RASSF4: variants seen among roughly 807,000 people sequenced by gnomAD.
The protein encoded by RASSF4 is Ras association domain family member 4, also known as ras association domain-containing protein 4.
Under a neutral mutation model 41.1 loss-of-function variants are expected in RASSF4, and 38 were observed. The ratio of observed to expected loss-of-function variants is 0.92; its 90% CI spans 0.71 to 1.21. The LOEUF is 1.21. RASSF4 is among the 50% of genes most tolerant of loss of function. The probability of loss-of-function intolerance (pLI) is 0.00; values close to 1 mark genes in which losing one functional copy is unlikely to be tolerated. For missense variants in RASSF4, 414 were observed against 419.4 expected, an observed-to-expected ratio of 0.99 and a Z score of 0.11; for synonymous variants, 179 against 163.4, an observed-to-expected ratio of 1.10 and a Z score of -0.73.
chr10:44,989,572 G>C lies in RASSF4; in HGVS notation c.634-98G>C, dbSNP rs887710532. 32 of 1,139,344 alleles carry C rather than the reference G, an allele frequency of 2.8e-5. No individual in the cohort carries two copies. The African/African-American group carries it at 4.4e-4, about 16-fold the overall frequency. The allele number at this position is 1,139,344 out of a possible 1,614,324, so 70.6% of individuals were successfully genotyped here. ...AGAGGACAGGTTCCTTGCAACTTGC[G>C]TGTGTGTTACTGGGGGTGTAGTTAC... On this transcript the variant is annotated intron_variant, in intron 7 of 10. Coordinates refer to ENST00000340258, the MANE Select transcript of RASSF4 (RefSeq NM_032023.4).
intron 3 of RASSF4, 116 bp from the exon 4 acceptor site, chr10:44,982,405 G>A: frequency 1.6e-6 from 2 of 1,288,162 alleles, no homozygotes; most frequent in Non-Finnish European, 2.2e-6. Flanking sequence ...AGGGGATGGG[G>A]CCACTCAGGA....
At chr10:44,984,307 T>C in intron 5 of RASSF4, 194 bp downstream of exon 5, 1 of 603,210 alleles carries the variant, frequency 1.7e-6, no homozygotes, top group Non-Finnish European at 2.9e-6. Flanking sequence ...TATGGAAAAG[T>C]GAGCAGAGGC....
rs1276767362 is a variant in RASSF4 at position 44,970,113 on chromosome 10, G to A, written c.-38-52G>A. The A allele has an allele frequency of 5.4e-6, 6 of 1,117,284 alleles. No individual in the cohort carries two copies. The East Asian group carries it at 1.4e-4, about 26-fold the overall frequency. The allele number at this position is 1,117,284 out of a possible 1,614,324, so 69.2% of individuals were successfully genotyped here. A position where few individuals can be genotyped will look rare whatever the true frequency, so the allele number is the denominator to read the frequency against. The stretch of plus-strand genomic sequence containing the variant: ...GGCTGCGGGTGTTGGGTGCTGCACT[G>A]GCCGGCACTCCTCTGGCTCACCTGT... On this transcript the variant is annotated intron_variant, in intron 1 of 10. Coordinates refer to ENST00000340258, the MANE Select transcript of RASSF4 (RefSeq NM_032023.4).
At chr10:44,970,093 C>A in intron 1 of RASSF4, 72 bp from the exon 2 acceptor site, 1 of 860,716 alleles carries the variant, frequency 1.2e-6, no homozygotes, top group Non-Finnish European at 1.9e-6. Context: ...GCCAGGGCTG[C>A]GGGTGTTGGG....
chr10:44,966,205 C>G (rs1464057237), intron 1 of RASSF4, among the ~76,000 whole-genome samples: 2 of 152,082 alleles, frequency 1.3e-5, no homozygotes, highest in African/African-American at 2.4e-5. Flanking sequence ...ACGAAGCACC[C>G]CAGAGCTCTT....
At chr10:44,970,040 C>T in intron 1 of RASSF4, 125 bp from the exon 2 acceptor site, 1 of 661,510 alleles carries the variant, frequency 1.5e-6, no homozygotes, top group Non-Finnish European at 2.7e-6. Context: ...GCCGCAGCCA[C>T]CTTGTGCCAA....
In RASSF4 at chr10:44,993,947, C is replaced by CT. The variant is rs1193755476; in HGVS notation, c.*621dup. ...TCTCACTTTCTCTGCAGAAATCAAT[C>CT]TTTACTTCATCAGAGAGACCTAAAG... On this transcript the variant is annotated 3_prime_UTR_variant, in exon 11 of 11. Coordinates refer to ENST00000340258, the MANE Select transcript of RASSF4 (RefSeq NM_032023.4). 2.0e-5 allele frequency: 3 copies of CT among 152,406 alleles called. No homozygotes were observed. Among genetic ancestry groups the CT allele is most frequent in the Non-Finnish European group, 4.4e-5 (3 of 68,184 alleles). The allele number at this position is 152,406 out of a possible 1,614,324, so 9.4% of individuals were successfully genotyped here.
At chr10:44,990,855 C>T in intron 8 of RASSF4, 93 bp from the exon 9 acceptor site, 1 of 1,371,322 alleles carries the variant, frequency 7.3e-7, no homozygotes, top group Non-Finnish European at 1.0e-6. Flanking sequence ...TTCCCTGCGC[C>T]CCTAGACGCA....
chr10:44,987,972 G>A (rs1268634852), intron 6 of RASSF4, among the ~76,000 whole-genome samples: 6 of 152,236 alleles, frequency 3.9e-5, no homozygotes, highest in African/African-American at 1.2e-4. Flanking sequence ...TTATCAGAGC[G>A]GGGATACTGA....
intron 8 of RASSF4, among the ~76,000 whole-genome samples, chr10:44,990,313 GAT>G (rs1354256102): frequency 2.0e-5 from 3 of 152,250 alleles, no homozygotes; most frequent in Non-Finnish European, 4.4e-5. Context: ...ACAAAAGACA[GAT>G]TAAGGAGAAG....
intron 3 of RASSF4, among the ~76,000 whole-genome samples, chr10:44,972,603 C>T (rs1048367586): frequency 3.9e-5 from 6 of 152,266 alleles, no homozygotes; most frequent in African/African-American, 1.4e-4. Flanking sequence ...TGGGGGACCA[C>T]CCACTGGGCA....
chr10:44,971,380 A>G (rs1418511702), intron 2 of RASSF4: 1 of 404,192 alleles, frequency 2.5e-6, no homozygotes, highest in South Asian at 1.8e-5. Flanking sequence ...AGGAAGTGAT[A>G]TGGGGAAAAG....
At chr10:44,975,239 G>A (rs1467571342) in intron 3 of RASSF4, among the ~76,000 whole-genome samples, 4 of 152,134 alleles carry the variant, frequency 2.6e-5, no homozygotes, top group Non-Finnish European at 5.9e-5. Context: ...CCAGGGGTGC[G>A]GAAAACCAGC....
chr10:44,974,222 C>T (rs981020295), intron 3 of RASSF4, among the ~76,000 whole-genome samples: 2 of 152,246 alleles, frequency 1.3e-5, no homozygotes, highest in African/African-American at 4.8e-5. Flanking sequence ...AGTCTCTCCT[C>T]AGGCACCACA....
At chr10:44,985,485 A>G (rs1038529109) in intron 6 of RASSF4, among the ~76,000 whole-genome samples, 1 of 152,232 alleles carries the variant, frequency 6.6e-6, no homozygotes, top group African/African-American at 2.4e-5. Flanking sequence ...AACAAACTGA[A>G]CTGTAGCAGG....
intron 3 of RASSF4, chr10:44,977,669 T>C (rs945476157): frequency 6.8e-6 from 11 of 1,612,804 alleles, no homozygotes; most frequent in Admixed American, 1.7e-5. Flanking sequence ...CCTTGGCAGG[T>C]CCCTCTGGCT....
Position 44,984,045 on chromosome 10 carries a change from G to A in RASSF4, c.305G>A (p.Gly102Glu). 6.2e-7 allele frequency: 1 copy of A among 1,604,712 alleles called. No individual in the cohort carries two copies. Among genetic ancestry groups the A allele is most frequent in the South Asian group, 1.1e-5 (1 of 88,850 alleles). ...AGAAAGGAGCCATCGCCCCAGAACG[G>A]GAACATCACAGCCCAGGGGCCAAGC... is the stretch of plus-strand genomic sequence containing the variant. ...CPLKEPSPQN[G>E]NITAQGPSIQ... Residue 102 changes from glycine to glutamate, a missense_variant, in exon 5 of 11, where the codon GGG (glycine) becomes GAG (glutamate). Coordinates refer to ENST00000340258, the MANE Select transcript of RASSF4 (RefSeq NM_032023.4).
At chr10:44,986,904 C>A (rs2132799274) in intron 6 of RASSF4, among the ~76,000 whole-genome samples, 1 of 152,300 alleles carries the variant, frequency 6.6e-6, no homozygotes, top group Non-Finnish European at 1.5e-5. Context: ...GTAGCTGTTT[C>A]TACTGCCTGA....
At chr10:44,973,590 C>G (rs568620011) in intron 3 of RASSF4, among the ~76,000 whole-genome samples, 1 of 152,330 alleles carries the variant, frequency 6.6e-6, no homozygotes, top group African/African-American at 2.4e-5. Flanking sequence ...CCTGCTGAAC[C>G]GAAAACACTT....
Sources: gnomAD v4.1 joint callset for allele counts (sites outside exome capture counted in the v4.1 genomes callset) on GRCh38, gnomAD v4.1.1 for gene constraint, MANE v1.5 for transcripts, NCBI Gene and HGNC (gene_info 2026-07-23, HGNC 2026-07-21) for gene names.